Variants in RANBP17 observed in about 807,000 individuals in gnomAD.
The protein encoded by RANBP17 is ran-binding protein 17.
Under a neutral mutation model 141.2 loss-of-function variants are expected in RANBP17, and 158 were observed. That is an observed-to-expected ratio of 1.12 (90% CI 0.98 to 1.28). RANBP17 has a LOEUF of 1.28. RANBP17 is among the 50% of genes most tolerant of loss of function. The pLI, the probability that RANBP17 is intolerant of heterozygous loss-of-function variation, is 0.00. For synonymous variants in RANBP17, 430 were observed against 450.0 expected (o/e 0.96, Z 0.56); for missense variants, 1,438 against 1,290.7 (o/e 1.11, Z -1.75).
chr5:171,185,395 G>A (rs1346790751), intron 18 of RANBP17, among the ~76,000 whole-genome samples: 1 of 152,140 alleles, frequency 6.6e-6, no homozygotes, highest in Non-Finnish European at 1.5e-5. Flanking sequence ...AGATTTTTCT[G>A]TAGCATACAA....
Position 171,173,312 on chromosome 5 carries a change from A to G in RANBP17, c.1865+2026A>G, listed in dbSNP as rs980113815. Among the ~76,000 whole-genome samples the G allele has an allele frequency of 2.0e-5, 3 of 152,092 alleles. No homozygotes were observed. In the East Asian group the frequency reaches 5.8e-4, roughly 29 times the overall value. On this transcript the variant is annotated intron_variant, in intron 16 of 27. Coordinates refer to ENST00000523189, the MANE Select transcript of RANBP17 (RefSeq NM_022897.5). ...AATACATTATTTCTATATTAGGAAT[A>G]AGATGACATTCTTCAGCAATAGAAA...
chr5:171,105,381 C>CAAAA (rs1167025699), intron 14 of RANBP17, among the ~76,000 whole-genome samples: 3 of 54,270 alleles, frequency 5.5e-5, no homozygotes, highest in Admixed American at 2.5e-4. Flanking sequence ...GACTCCGTCT[C>CAAAA]AAAAAAAAAA....
intron 6 of RANBP17, 44 bp downstream of exon 6, chr5:170,909,809 A>G (rs1455874225): frequency 5.8e-6 from 6 of 1,033,172 alleles, no homozygotes; most frequent in Non-Finnish European, 8.9e-6. Flanking sequence ...AATATTTGGG[A>G]AATTTTAAGA....
chr5:170,924,393 T>G lies in RANBP17; in HGVS notation c.1311T>G (p.Thr437=), dbSNP rs111350396. 2.0e-3 allele frequency: 3,281 copies of G among 1,604,950 alleles called. 63 individuals are homozygous for G. The African/African-American group carries it at 0.039, about 19-fold the overall frequency. The stretch of plus-strand genomic sequence containing the variant: ...ATGATCCACTGGATGATACTGCCAC[T>G]GTGTTTCAGCAGTTGGAGCAGTTGT... ...HLDDPLDDTA[T]VFQQLEQLCT... is the part of the protein sequence containing the mutation. The change falls in exon 12 of 28, where the codon ACT becomes ACG. Residue 437 remains threonine (T), a synonymous_variant. Transcript: ENST00000523189.
chr5:171,258,588 G>A (rs1766078637), intron 24 of RANBP17, among the ~76,000 whole-genome samples: 1 of 152,058 alleles, frequency 6.6e-6, no homozygotes, highest in African/African-American at 2.4e-5. Flanking sequence ...CATACTTACA[G>A]CCAACCGATC....
intron 14 of RANBP17, among the ~76,000 whole-genome samples, chr5:170,980,205 T>G (rs1777663868): frequency 6.6e-6 from 1 of 152,148 alleles, no homozygotes; most frequent in Non-Finnish European, 1.5e-5. Context: ...AGAGGTGACT[T>G]GGGTGCTGTT....
chr5:170,904,676 T>C (rs1770932903), intron 5 of RANBP17, among the ~76,000 whole-genome samples: 1 of 152,130 alleles, frequency 6.6e-6, no homozygotes, highest in Non-Finnish European at 1.5e-5. Context: ...ACATTTGTCT[T>C]CAGAAAAATC....
chr5:171,253,734 A>T (rs533980017), intron 24 of RANBP17, among the ~76,000 whole-genome samples: 1 of 152,298 alleles, frequency 6.6e-6, no homozygotes, highest in South Asian at 2.1e-4. Context: ...TTATTAGTTA[A>T]TGTCAGTTTA....
At chr5:171,028,108 A>G (rs552477812) in intron 14 of RANBP17, among the ~76,000 whole-genome samples, 2 of 152,228 alleles carry the variant, frequency 1.3e-5, no homozygotes, top group East Asian at 3.9e-4. Flanking sequence ...TGCTAGATTT[A>G]TAAGGCACTA....
rs779460656 is a variant in RANBP17, at chr5:170,896,054, C to T, written c.428C>T (p.Thr143Ile). The T allele has an allele frequency of 1.2e-5, 19 of 1,597,072 alleles. No homozygotes were observed. In the South Asian group the frequency reaches 2.0e-4, roughly 17 times the overall value. ...ACTTTGTTATTTTCTCCAAAGGGTACTGTGGAACACTGCATAATAGGAGTA... is the reference window on the plus strand; with the variant it reads ...ACTTTGTTATTTTCTCCAAAGGGTATTGTGGAACACTGCATAATAGGAGTA... ...IADVKKFLQG[T>I]VEHCIIGVII... Residue 143 changes from threonine (T) to isoleucine (I), a missense_variant, in exon 5 of 28, where the codon ACT (threonine) becomes ATT (isoleucine). Thr to Ile is a moderately conservative substitution (Grantham distance 89, BLOSUM62 -1). Coordinates refer to ENST00000523189, the MANE Select transcript of RANBP17 (RefSeq NM_022897.5).
intron 12 of RANBP17, among the ~76,000 whole-genome samples, chr5:170,930,449 T>G (rs193150300): frequency 6.6e-6 from 1 of 151,978 alleles, no homozygotes; most frequent in Non-Finnish European, 1.5e-5. Context: ...CTAGGGTACA[T>G]GTGCACAATG....
At chr5:171,069,864 C>T (rs1416340725) in intron 14 of RANBP17, among the ~76,000 whole-genome samples, 1 of 152,084 alleles carries the variant, frequency 6.6e-6, no homozygotes, top group Non-Finnish European at 1.5e-5. Context: ...ATGACAAGAT[C>T]AGAAAAGAGA....
intron 14 of RANBP17, among the ~76,000 whole-genome samples, chr5:171,095,439 C>G (rs1189805465): frequency 6.6e-6 from 1 of 152,018 alleles, no homozygotes; most frequent in East Asian, 1.9e-4. Context: ...ATTTTATTAT[C>G]TTGGAGTTGA....
At chr5:170,882,376 G>T (rs1442155773) in intron 3 of RANBP17, among the ~76,000 whole-genome samples, 1 of 151,834 alleles carries the variant, frequency 6.6e-6, no homozygotes, top group Non-Finnish European at 1.5e-5. Context: ...CATCATGCCC[G>T]GCCAAAAAAG....
chr5:170,966,659 C>T (rs1160115506), intron 13 of RANBP17, among the ~76,000 whole-genome samples: 1 of 152,080 alleles, frequency 6.6e-6, no homozygotes, highest in Non-Finnish European at 1.5e-5. Context: ...TCTCTCACCA[C>T]TCCTATTCAA....
chr5:171,199,694 A>T lies in RANBP17; in HGVS notation c.2063A>T (p.Asn688Ile). ...GGTGAAGATGAGGATGAATTTGAGA[A>T]TTTCATGCTGCCTCTTACAGTTGCT... ...DLGEDEDEFE[N>I]FMLPLTVAFE... The change falls in exon 19 of 28, where the codon AAT (asparagine) becomes ATT (isoleucine). Residue 688 changes from asparagine to isoleucine, a missense_variant. Coordinates refer to ENST00000523189, the MANE Select transcript of RANBP17 (RefSeq NM_022897.5). The T allele has an allele frequency of 9.9e-6, 16 of 1,610,206 alleles. No individual in the cohort carries two copies. The highest frequency in any genetic ancestry group is 1.2e-5 in the Non-Finnish European group (14 of 1,177,784).
At chr5:171,034,987 T>G (rs1023150066) in intron 14 of RANBP17, among the ~76,000 whole-genome samples, 1 of 151,090 alleles carries the variant, frequency 6.6e-6, no homozygotes, top group Non-Finnish European at 1.5e-5. Context: ...ACAGGTTTGG[T>G]TTTTTTTTCT....
At chr5:171,003,883 A>G (rs1779394724) in intron 14 of RANBP17, among the ~76,000 whole-genome samples, 1 of 152,180 alleles carries the variant, frequency 6.6e-6, no homozygotes, top group Non-Finnish European at 1.5e-5. Context: ...TTTAAGATCA[A>G]GAATGGAATA....
intron 14 of RANBP17, chr5:171,029,128 C>T (rs771101039): frequency 1.2e-5 from 3 of 243,110 alleles, no homozygotes; most frequent in Non-Finnish European, 2.5e-5. Context: ...TACAATTTAT[C>T]TATTCATTTA....
Sources: gnomAD v4.1 joint callset for allele counts (sites outside exome capture counted in the v4.1 genomes callset) on GRCh38, gnomAD v4.1.1 for gene constraint, MANE v1.5 for transcripts, NCBI Gene and HGNC (gene_info 2026-07-23, HGNC 2026-07-21) for gene names.